KIAA1217: variants seen among roughly 807,000 people sequenced by gnomAD.
KIAA1217 encodes KIAA1217.
A neutral mutation model predicts 163.9 loss-of-function variants in KIAA1217; 88 were observed. The ratio of observed to expected loss-of-function variants is 0.54; its 90% confidence interval spans 0.45 to 0.64. KIAA1217 has a LOEUF of 0.64. Ranked by LOEUF, KIAA1217 falls within the 30% of genes least tolerant of loss-of-function variation. The pLI is 0.00. For synonymous variants in KIAA1217, 903 were observed against 923.1 expected (o/e 0.98, Z 0.39); for missense variants, 2,372 against 2,475.0 (o/e 0.96, Z 0.88).
At chr10:23,896,996 T>C (rs1841736364) in intron 1 of KIAA1217, among the ~76,000 whole-genome samples, 1 of 152,060 alleles carries the variant, frequency 6.6e-6, no homozygotes, top group Non-Finnish European at 1.5e-5. Flanking sequence ...GTAAATCCAA[T>C]ACTATAAAGA....
intron 3 of KIAA1217, among the ~76,000 whole-genome samples, chr10:24,404,484 T>C (rs2056959784): frequency 6.7e-6 from 1 of 148,762 alleles, no homozygotes; most frequent in Non-Finnish European, 1.5e-5. Context: ...GGAGAATCTC[T>C]TGAACCCGGG....
intron 2 of KIAA1217, among the ~76,000 whole-genome samples, chr10:24,310,734 T>C (rs117119439): frequency 0.011 from 1,632 of 152,248 alleles, 42 homozygotes; most frequent in East Asian, 0.1. Context: ...TGGTGTCTCA[T>C]GCCTGTAATC....
intron 1 of KIAA1217, among the ~76,000 whole-genome samples, chr10:23,952,238 T>C (rs1844371402): frequency 6.6e-6 from 1 of 152,220 alleles, no homozygotes. Flanking sequence ...TCGGGAGACT[T>C]CATTTATCCT....
intron 1 of KIAA1217, among the ~76,000 whole-genome samples, chr10:24,000,707 G>A (rs915499805): frequency 4.6e-5 from 7 of 152,200 alleles, no homozygotes; most frequent in African/African-American, 1.4e-4. Flanking sequence ...TACCAAACAC[G>A]CTGGAAAGAT....
At chr10:23,944,344 G>A (rs777423098) in intron 1 of KIAA1217, among the ~76,000 whole-genome samples, 14 of 146,826 alleles carry the variant, frequency 9.5e-5, no homozygotes, top group Non-Finnish European at 1.6e-4. Flanking sequence ...AGAATCACAT[G>A]AGCCTCAGAG....
In KIAA1217 at chr10:24,484,246, T is replaced by A. The variant is rs1411358678; in HGVS notation, c.1679+10186T>A. On this transcript the variant is annotated intron_variant, in intron 6 of 20. Transcript: ENST00000376454. ...ATACATATATATATATATATATTTTTTTTTTTTTTTTTTTTTTTGAAACAG... is the reference window on the plus strand; with the variant it reads ...ATACATATATATATATATATATTTTATTTTTTTTTTTTTTTTTTGAAACAG... Among the ~76,000 whole-genome samples the A allele has an allele frequency of 9.9e-3, 1,094 of 110,482 alleles. 8 individuals carry two copies. Among genetic ancestry groups the A allele is most frequent in the East Asian group, 0.041 (148 of 3,638 alleles). The allele number at this position is 110,482 out of a possible 152,430, so 72.5% of individuals were successfully genotyped here.
chr10:24,118,809 T>C (rs1416821230), intron 2 of KIAA1217, among the ~76,000 whole-genome samples: 1 of 152,120 alleles, frequency 6.6e-6, no homozygotes, highest in Non-Finnish European at 1.5e-5. Flanking sequence ...ATTTGTCCTG[T>C]TGAGTAATGA....
chr10:24,523,709 G>T (rs879331682), intron 12 of KIAA1217, among the ~76,000 whole-genome samples: 1 of 152,224 alleles, frequency 6.6e-6, no homozygotes, highest in Non-Finnish European at 1.5e-5. Flanking sequence ...AGTTCTCAAC[G>T]TTATATAAAG....
chr10:23,884,469 C>T (rs1474998443), intron 1 of KIAA1217, among the ~76,000 whole-genome samples: 1 of 151,964 alleles, frequency 6.6e-6, no homozygotes, highest in Non-Finnish European at 1.5e-5. Flanking sequence ...GGGAAGTATA[C>T]TGTCAGTCTA....
At chr10:23,785,109 T>C (rs1002900319) in intron 1 of KIAA1217, among the ~76,000 whole-genome samples, 8 of 148,994 alleles carry the variant, frequency 5.4e-5, no homozygotes, top group African/African-American at 2.1e-4. Flanking sequence ...CTGGCTAGTG[T>C]GATGTGAAAG....
At chr10:23,756,809 A>G (rs1279282320) in intron 1 of KIAA1217, among the ~76,000 whole-genome samples, 1 of 152,260 alleles carries the variant, frequency 6.6e-6, no homozygotes, top group Admixed American at 6.5e-5. Flanking sequence ...TAAGTGTACA[A>G]TTCAGTGGCA....
At chr10:24,147,832 C>CAAAAAAAAAAAAAAAAAAAAAAA (rs1176106711) in intron 2 of KIAA1217, among the ~76,000 whole-genome samples, 29 of 20,764 alleles carry the variant, frequency 1.4e-3, no homozygotes, top group Non-Finnish European at 1.7e-3. Flanking sequence ...TACTCTGTCT[C>CAAAAAAAAAAAAAAAAAAAAAAA]AAAAAAAAAA....
At chr10:23,952,078 T>C (rs1168303882) in intron 1 of KIAA1217, among the ~76,000 whole-genome samples, 2 of 152,210 alleles carry the variant, frequency 1.3e-5, no homozygotes, top group Admixed American at 6.5e-5. Flanking sequence ...GGCTTACATA[T>C]GGGGATTATC....
intron 1 of KIAA1217, among the ~76,000 whole-genome samples, chr10:23,933,224 A>G (rs915716641): frequency 1.3e-5 from 2 of 152,102 alleles, no homozygotes; most frequent in South Asian, 2.1e-4. Context: ...CTGCAGGGAG[A>G]GTTGAAGAGA....
At chr10:23,925,407 A>G (rs1214991582) in intron 1 of KIAA1217, among the ~76,000 whole-genome samples, 6 of 152,148 alleles carry the variant, frequency 3.9e-5, no homozygotes, top group Non-Finnish European at 7.3e-5. Context: ...AAGAAATTAT[A>G]GATATATTAA....
intron 1 of KIAA1217, among the ~76,000 whole-genome samples, chr10:23,972,413 C>G (rs1845351854): frequency 6.6e-6 from 1 of 151,458 alleles, no homozygotes; most frequent in Non-Finnish European, 1.5e-5. Flanking sequence ...ACATACACAC[C>G]ACAGAATACT....
At chr10:24,155,391 C>G (rs2131870062) in intron 2 of KIAA1217, among the ~76,000 whole-genome samples, 1 of 152,216 alleles carries the variant, frequency 6.6e-6, no homozygotes, top group African/African-American at 2.4e-5. Flanking sequence ...CATCTAAGTT[C>G]CACATATTCA....
chr10:23,699,020 C>T (rs142859505), intron 1 of KIAA1217, among the ~76,000 whole-genome samples: 206 of 152,334 alleles, frequency 1.4e-3, no homozygotes, highest in Non-Finnish European at 2.6e-3. Flanking sequence ...GCCACTGCAC[C>T]TGGCTGGGTC....
intron 1 of KIAA1217, among the ~76,000 whole-genome samples, chr10:23,830,840 A>ACG (rs1438344561): frequency 6.6e-6 from 1 of 151,986 alleles, no homozygotes; most frequent in Non-Finnish European, 1.5e-5. Flanking sequence ...ACACACACAC[A>ACG]CACACACACT....
Sources: gnomAD v4.1 joint callset for allele counts (sites outside exome capture counted in the v4.1 genomes callset) on GRCh38, gnomAD v4.1.1 for gene constraint, MANE v1.5 for transcripts, NCBI Gene and HGNC (gene_info 2026-07-23, HGNC 2026-07-21) for gene names.